The following CSMD1 variants were observed in gnomAD, a reference collection of about 807,000 sequenced individuals.
CSMD1 encodes the protein CUB and Sushi multiple domains 1.
CSMD1 carries 213 observed loss-of-function variants against 417.5 expected under a neutral mutation model. That is an observed-to-expected ratio of 0.51 (90% CI 0.46 to 0.57). The LOEUF (loss-of-function observed/expected upper bound fraction) is 0.57. Among genes scored for constraint, CSMD1 ranks in the 20% least tolerant of loss-of-function variants. CSMD1 has a pLI of 0.00. For synonymous variants in CSMD1, 2,862 were observed against 1,736.8 expected, an observed-to-expected ratio of 1.65 and a Z score of -16.11; for missense variants, 6,923 against 4,529.7, an observed-to-expected ratio of 1.53 and a Z score of -15.17.
At chr8:3,569,921 AT>A (rs1799876955) in intron 10 of CSMD1, among the ~76,000 whole-genome samples, 1 of 152,194 alleles carries the variant, frequency 6.6e-6, no homozygotes, top group African/African-American at 2.4e-5. Context: ...AGGGCAAATA[AT>A]TTTCTGAAGC....
At chr8:4,112,868 A>G (rs1007788495) in intron 3 of CSMD1, among the ~76,000 whole-genome samples, 3 of 152,198 alleles carry the variant, frequency 2.0e-5, no homozygotes, top group Admixed American at 6.5e-5. Flanking sequence ...TTAAAAATTG[A>G]AGGCTTGTAC....
At chr8:4,592,831 T>C (rs1051698517) in intron 2 of CSMD1, among the ~76,000 whole-genome samples, 16 of 152,224 alleles carry the variant, frequency 1.1e-4, no homozygotes, top group Middle Eastern at 3.2e-3. Context: ...TGTTTAATCA[T>C]TGTAATACTA....
intron 3 of CSMD1, among the ~76,000 whole-genome samples, chr8:4,244,773 G>A (rs539373006): frequency 1.3e-5 from 2 of 152,220 alleles, no homozygotes; most frequent in Admixed American, 1.3e-4. Flanking sequence ...TAAAGAAAAA[G>A]AGAAGGGATA....
chr8:3,811,191 G>A (rs147335659), intron 5 of CSMD1, among the ~76,000 whole-genome samples: 4 of 152,116 alleles, frequency 2.6e-5, no homozygotes, highest in South Asian at 2.1e-4. Context: ...TTTTCTATTC[G>A]AATTATTTTT....
intron 3 of CSMD1, among the ~76,000 whole-genome samples, chr8:4,212,662 T>C (rs942728787): frequency 6.6e-6 from 1 of 151,800 alleles, no homozygotes; most frequent in African/African-American, 2.4e-5. Context: ...GTACAATTTT[T>C]AAAAATCTAA....
At chr8:3,508,131 A>G (rs1043298952) in intron 10 of CSMD1, among the ~76,000 whole-genome samples, 4 of 152,198 alleles carry the variant, frequency 2.6e-5, no homozygotes, top group African/African-American at 9.7e-5. Flanking sequence ...TAGACAAAAA[A>G]CCAAACACCA....
intron 12 of CSMD1, among the ~76,000 whole-genome samples, chr8:3,455,115 G>C (rs983779828): frequency 6.6e-6 from 1 of 152,112 alleles, no homozygotes; most frequent in African/African-American, 2.4e-5. Context: ...GGCTACTGAG[G>C]CTTGTGCATT....
chr8:3,443,448 G>A (rs1268269927), intron 12 of CSMD1, among the ~76,000 whole-genome samples: 3 of 152,116 alleles, frequency 2.0e-5, no homozygotes, highest in South Asian at 4.1e-4. Context: ...TTGGGAGGCG[G>A]GTTGACACAA....
chr8:4,356,137 C>T (rs185295712), intron 3 of CSMD1, among the ~76,000 whole-genome samples: 7 of 152,132 alleles, frequency 4.6e-5, no homozygotes, highest in Non-Finnish European at 8.8e-5. Flanking sequence ...TCCCAAAGTC[C>T]ATTGTATCTT....
intron 25 of CSMD1, among the ~76,000 whole-genome samples, chr8:3,290,732 C>G (rs1015393857): frequency 6.1e-5 from 9 of 146,920 alleles, no homozygotes. Flanking sequence ...TGGGCTGAGA[C>G]AATGGGGTTT....
intron 3 of CSMD1, among the ~76,000 whole-genome samples, chr8:4,353,861 C>G (rs1021907756): frequency 1.3e-5 from 2 of 152,144 alleles, no homozygotes; most frequent in African/African-American, 4.8e-5. Flanking sequence ...TATGGCTCAT[C>G]TGGTTTACAG....
At chr8:3,636,320 G>C (rs772391165) in intron 7 of CSMD1, among the ~76,000 whole-genome samples, 1 of 152,204 alleles carries the variant, frequency 6.6e-6, no homozygotes, top group Non-Finnish European at 1.5e-5. Flanking sequence ...CGGGATTACA[G>C]GCATGCGCCA....
At chr8:3,657,481 G>C (rs1798188316) in intron 7 of CSMD1, among the ~76,000 whole-genome samples, 1 of 152,128 alleles carries the variant, frequency 6.6e-6, no homozygotes, top group South Asian at 2.1e-4. Context: ...TAAAGAAAAT[G>C]TGTCACATAT....
chr8:3,364,438 C>A (rs1027450369), intron 20 of CSMD1, among the ~76,000 whole-genome samples: 4 of 152,252 alleles, frequency 2.6e-5, no homozygotes, highest in East Asian at 3.9e-4. Context: ...GACTGTTAAC[C>A]ACTTTAAAGA....
At chr8:4,650,742 T>C (rs1032886826) in intron 1 of CSMD1, among the ~76,000 whole-genome samples, 2 of 152,122 alleles carry the variant, frequency 1.3e-5, no homozygotes, top group Non-Finnish European at 2.9e-5. Context: ...GAGCAGAAAA[T>C]ATGTATTTTG....
chr8:4,378,397 T>C (rs1584982829), intron 3 of CSMD1, among the ~76,000 whole-genome samples: 2 of 152,228 alleles, frequency 1.3e-5, no homozygotes, highest in African/African-American at 4.8e-5. Flanking sequence ...TGCACGCAAG[T>C]TGGCTTAAAA....
At chr8:4,520,612 G>A (rs1177640559) in intron 2 of CSMD1, among the ~76,000 whole-genome samples, 1 of 152,102 alleles carries the variant, frequency 6.6e-6, no homozygotes, top group East Asian at 1.9e-4. Flanking sequence ...GCCAAACTCA[G>A]GAGTTCTTGG....
chr8:4,248,795 G>C (rs1465548651), intron 3 of CSMD1, among the ~76,000 whole-genome samples: 1 of 151,990 alleles, frequency 6.6e-6, no homozygotes, highest in South Asian at 2.1e-4. Context: ...TCCTCTGAAT[G>C]GAAAAATCTT....
chr8:4,104,128 G>A (rs987052999), intron 3 of CSMD1, among the ~76,000 whole-genome samples: 2 of 152,210 alleles, frequency 1.3e-5, no homozygotes, highest in Non-Finnish European at 2.9e-5. Context: ...GCAGAGTGTT[G>A]ATTCAGTCCC....
Sources: gnomAD v4.1 joint callset for allele counts (sites outside exome capture counted in the v4.1 genomes callset) on GRCh38, gnomAD v4.1.1 for gene constraint, MANE v1.5 for transcripts, NCBI Gene and HGNC (gene_info 2026-07-23, HGNC 2026-07-21) for gene names.